The following EXOC4 variants were observed in gnomAD, a reference collection of about 807,000 sequenced individuals.
EXOC4 encodes the protein SEC8-like 1.
Under a neutral mutation model 107.2 loss-of-function variants are expected in EXOC4, and 71 were observed. The observed-to-expected ratio is 0.66, with a 90% CI of 0.55 to 0.81. The LOEUF (loss-of-function observed/expected upper bound fraction) is 0.81, where lower values mean the gene tolerates loss of function less well. Among genes scored for constraint, EXOC4 ranks in the 30% least tolerant of loss-of-function variants. The pLI is 0.00. For missense variants in EXOC4, 1,108 were observed against 1,189.6 expected, an observed-to-expected ratio of 0.93 and a Z score of 1.01; for synonymous variants, 456 against 441.2, an observed-to-expected ratio of 1.03 and a Z score of -0.42.
chr7:133,779,305 A>AT (rs1033514906), intron 10 of EXOC4, among the ~76,000 whole-genome samples: 36 of 151,286 alleles, frequency 2.4e-4, no homozygotes, highest in African/African-American at 7.5e-4. Context: ...AAAAATGAGG[A>AT]TTTTTTTTTA....
intron 9 of EXOC4, among the ~76,000 whole-genome samples, chr7:133,492,867 T>C (rs932272288): frequency 1.9e-4 from 29 of 152,068 alleles, no homozygotes; most frequent in African/African-American, 6.5e-4. Context: ...GATTTTTTTT[T>C]TTGGAATCTC....
rs537733069 is a variant in EXOC4 at position 133,477,559 on chromosome 7, G to C, written c.1328+2086G>C. 5.9e-5 allele frequency among the ~76,000 whole-genome samples: 9 copies of C among 152,194 alleles called. No individual in the cohort carries two copies. In the East Asian group the frequency reaches 9.6e-4, roughly 16 times the overall value. Reference sequence around the variant, plus strand: ...TAGCTTGCTTATTTACCTATTGAAGGACATCTTGCTTGCTTCCAGCTTCTG... The same window carrying C: ...TAGCTTGCTTATTTACCTATTGAAGCACATCTTGCTTGCTTCCAGCTTCTG... On this transcript the variant is annotated intron_variant, in intron 8 of 17. Coordinates refer to ENST00000253861, the MANE Select transcript of EXOC4 (RefSeq NM_021807.4).
At chr7:133,988,797 G>A (rs753249549) in intron 14 of EXOC4, among the ~76,000 whole-genome samples, 6 of 152,098 alleles carry the variant, frequency 3.9e-5, no homozygotes, top group Non-Finnish European at 7.4e-5. Flanking sequence ...GAGGGGATAC[G>A]CTGAAGAGAA....
chr7:133,911,000 G>A (rs550210117), intron 12 of EXOC4, among the ~76,000 whole-genome samples: 23 of 152,230 alleles, frequency 1.5e-4, no homozygotes, highest in Middle Eastern at 3.4e-3. Context: ...AGAGCCAGGC[G>A]ACACCAGCAG....
At chr7:133,734,991 A>G (rs923851197) in intron 10 of EXOC4, among the ~76,000 whole-genome samples, 19 of 149,388 alleles carry the variant, frequency 1.3e-4, no homozygotes, top group African/African-American at 4.2e-4. Context: ...CGGGTGGATC[A>G]TAGGGTCAGG....
At chr7:133,303,574 A>G (rs1794689503) in intron 3 of EXOC4, among the ~76,000 whole-genome samples, 1 of 152,262 alleles carries the variant, frequency 6.6e-6, no homozygotes, top group African/African-American at 2.4e-5. Flanking sequence ...GGCCTTGTCC[A>G]GCTTCCATAA....
chr7:133,889,343 T>C (rs191042928), intron 11 of EXOC4, among the ~76,000 whole-genome samples: 18 of 151,924 alleles, frequency 1.2e-4, no homozygotes, highest in Non-Finnish European at 1.9e-4. Flanking sequence ...AAGATACTTA[T>C]TTGGTTGTTG....
intron 5 of EXOC4, among the ~76,000 whole-genome samples, chr7:133,331,653 G>A (rs943554011): frequency 1.3e-5 from 2 of 151,936 alleles, no homozygotes; most frequent in African/African-American, 2.4e-5. Context: ...TTTTAGTAGA[G>A]ACGGGGTTTC....
intron 1 of EXOC4, among the ~76,000 whole-genome samples, chr7:133,268,340 A>G (rs983068188): frequency 2.6e-5 from 4 of 152,214 alleles, no homozygotes; most frequent in Admixed American, 1.3e-4. Flanking sequence ...TTCTTGGTGT[A>G]TTCCTAATGG....
At chr7:133,974,285 T>G (rs1158086367) in intron 14 of EXOC4, among the ~76,000 whole-genome samples, 2 of 152,252 alleles carry the variant, frequency 1.3e-5, no homozygotes, top group Non-Finnish European at 2.9e-5. Context: ...TATTAAGCAC[T>G]GTGCTAGGAT....
chr7:134,086,126 GAGT>G, the EXOC4 span, among the ~76,000 whole-genome samples: 3 of 152,186 alleles, frequency 2.0e-5, no homozygotes, highest in Admixed American at 2.0e-4. Flanking sequence ...TAAGTTAACT[GAGT>G]AGGACTTCAG....
intron 10 of EXOC4, among the ~76,000 whole-genome samples, chr7:133,698,930 T>G (rs1367788981): frequency 6.8e-6 from 1 of 148,070 alleles, no homozygotes; most frequent in Non-Finnish European, 1.5e-5. Context: ...GGCATGTGCT[T>G]TGCAAGTTCT....
intron 5 of EXOC4, among the ~76,000 whole-genome samples, chr7:133,347,807 GGTTA>G (rs909718892): frequency 5.9e-5 from 9 of 152,052 alleles, no homozygotes; most frequent in African/African-American, 2.2e-4. Context: ...AGAAATAATT[GGTTA>G]AAGGGCATTA....
At chr7:133,936,839 T>C (rs1164675710) in intron 13 of EXOC4, among the ~76,000 whole-genome samples, 1 of 152,162 alleles carries the variant, frequency 6.6e-6, no homozygotes, top group African/African-American at 2.4e-5. Context: ...TTTTGTATTT[T>C]AGTAGAGACG....
intron 10 of EXOC4, among the ~76,000 whole-genome samples, chr7:133,767,376 AT>A (rs1287275792): frequency 1.3e-5 from 2 of 151,896 alleles, no homozygotes; most frequent in Non-Finnish European, 2.9e-5. Flanking sequence ...AGAAGGTGAA[AT>A]GACGTAACAT....
At chr7:133,963,606 G>A (rs1054553387) in intron 14 of EXOC4, among the ~76,000 whole-genome samples, 1 of 152,174 alleles carries the variant, frequency 6.6e-6, no homozygotes, top group Non-Finnish European at 1.5e-5. Context: ...CTGGTTTTAC[G>A]CTTAAATTAT....
intron 14 of EXOC4, among the ~76,000 whole-genome samples, chr7:133,965,859 A>G (rs1003651895): frequency 6.6e-6 from 1 of 152,184 alleles, no homozygotes; most frequent in Non-Finnish European, 1.5e-5. Flanking sequence ...TAATTCCATG[A>G]AGAAAGCCAA....
intron 9 of EXOC4, among the ~76,000 whole-genome samples, chr7:133,532,761 T>G (rs1201956573): frequency 3.3e-5 from 5 of 152,054 alleles, no homozygotes; most frequent in Non-Finnish European, 5.9e-5. Context: ...ATTGACTTAT[T>G]TAGCAGCAAT....
chr7:133,885,312 C>CAA (rs1325296000), intron 11 of EXOC4, among the ~76,000 whole-genome samples: 33 of 90,196 alleles, frequency 3.7e-4, no homozygotes, highest in South Asian at 2.5e-3. Flanking sequence ...GACCCCGTCT[C>CAA]AAAAAAAAAA....
Sources: gnomAD v4.1 joint callset for allele counts (sites outside exome capture counted in the v4.1 genomes callset) on GRCh38, gnomAD v4.1.1 for gene constraint, MANE v1.5 for transcripts, NCBI Gene and HGNC (gene_info 2026-07-23, HGNC 2026-07-21) for gene names.